SPATA17: variants seen among roughly 807,000 people sequenced by gnomAD.
SPATA17 encodes the protein spermatogenesis associated 17.
SPATA17 carries 53 observed loss-of-function variants against 62.2 expected under a neutral mutation model. The ratio of observed to expected loss-of-function variants is 0.85; its 90% CI spans 0.68 to 1.07. The LOEUF is 1.07. Ranked by LOEUF, SPATA17 falls within the 50% of genes least tolerant of loss-of-function variation. The pLI is 0.00. For missense variants in SPATA17, 466 were observed against 425.5 expected, an observed-to-expected ratio of 1.10 and a Z score of -0.84; for synonymous variants, 146 against 146.8, an observed-to-expected ratio of 0.99 and a Z score of 0.04.
At chr1:217,826,231 G>T (rs1674999624) in intron 9 of SPATA17, among the ~76,000 whole-genome samples, 1 of 152,058 alleles carries the variant, frequency 6.6e-6, no homozygotes, top group Non-Finnish European at 1.5e-5. Flanking sequence ...TACAAATGGA[G>T]ACAGAAATAT....
intron 6 of SPATA17, among the ~76,000 whole-genome samples, chr1:217,766,451 A>G (rs944733700): frequency 6.6e-6 from 1 of 152,008 alleles, no homozygotes; most frequent in Non-Finnish European, 1.5e-5. Flanking sequence ...CATAGGTAGT[A>G]CAAGTACCTT....
chr1:217,861,455 C>A (rs544477966), intron 9 of SPATA17, among the ~76,000 whole-genome samples: 1 of 150,136 alleles, frequency 6.7e-6, no homozygotes, highest in South Asian at 2.1e-4. Context: ...TATCAAGTTG[C>A]CAACAAAAAA....
chr1:217,857,595 G>A (rs894622539), intron 9 of SPATA17, among the ~76,000 whole-genome samples: 5 of 152,072 alleles, frequency 3.3e-5, no homozygotes, highest in Non-Finnish European at 5.9e-5. Flanking sequence ...GTGTGCAGGT[G>A]GTTTTCTTGA....
intron 2 of SPATA17, 27 bp from the exon 3 acceptor site, chr1:217,651,070 C>G (rs1200312023): frequency 2.0e-6 from 3 of 1,511,588 alleles, no homozygotes; most frequent in Admixed American, 3.6e-5. Context: ...TGAAAGGATA[C>G]TAATAAGCAT....
intron 9 of SPATA17, among the ~76,000 whole-genome samples, chr1:217,835,888 C>T (rs186034442): frequency 2.2e-4 from 33 of 152,214 alleles, no homozygotes; most frequent in Non-Finnish European, 1.6e-4. Context: ...TGTCTGACAA[C>T]CCATGGCTCC....
At chr1:217,677,464 G>T (rs773754496) in intron 4 of SPATA17, among the ~76,000 whole-genome samples, 24 of 151,916 alleles carry the variant, frequency 1.6e-4, no homozygotes, top group Admixed American at 2.6e-4. Flanking sequence ...TACATAGTTA[G>T]AGATAGATAG....
intron 5 of SPATA17, among the ~76,000 whole-genome samples, chr1:217,736,376 G>A (rs116655576): frequency 0.011 from 1,669 of 152,160 alleles, 37 homozygotes; most frequent in African/African-American, 0.037. Context: ...TATTTTTACA[G>A]TTTGCAGTCT....
At chr1:217,741,920 G>A (rs552250757) in intron 5 of SPATA17, 55 bp from the exon 6 acceptor site, 93 of 1,603,254 alleles carry the variant, frequency 5.8e-5, no homozygotes, top group Non-Finnish European at 7.7e-5. Flanking sequence ...ATCAGTGAAA[G>A]AATTAAAATG....
intron 8 of SPATA17, among the ~76,000 whole-genome samples, chr1:217,790,901 T>C (rs1005607298): frequency 3.9e-5 from 6 of 152,210 alleles, no homozygotes; most frequent in South Asian, 2.1e-4. Context: ...CTATTTATCA[T>C]TAAAGAATAG....
At chr1:217,766,806 G>T (rs376381832) in intron 6 of SPATA17, among the ~76,000 whole-genome samples, 1 of 150,898 alleles carries the variant, frequency 6.6e-6, no homozygotes, top group African/African-American at 2.4e-5. Flanking sequence ...TGGATACATT[G>T]TGGGTTGTTA....
intron 9 of SPATA17, among the ~76,000 whole-genome samples, chr1:217,804,843 A>C (rs1465962973): frequency 6.6e-6 from 1 of 152,196 alleles, no homozygotes; most frequent in African/African-American, 2.4e-5. Flanking sequence ...ATGAGCTATA[A>C]CTTCACACAT....
intron 6 of SPATA17, among the ~76,000 whole-genome samples, chr1:217,751,275 A>G (rs971618997): frequency 5.9e-5 from 9 of 152,242 alleles, no homozygotes; most frequent in African/African-American, 1.2e-4. Flanking sequence ...AGAATATTCT[A>G]TAAAAGCAGA....
intron 9 of SPATA17, among the ~76,000 whole-genome samples, chr1:217,858,008 T>C (rs1186478336): frequency 3.3e-5 from 5 of 152,208 alleles, no homozygotes; most frequent in Admixed American, 6.5e-5. Flanking sequence ...TAACTCAGAA[T>C]TAAGTGATGC....
chr1:217,845,625 C>T (rs1675505940), intron 9 of SPATA17, among the ~76,000 whole-genome samples: 3 of 151,922 alleles, frequency 2.0e-5, no homozygotes, highest in Non-Finnish European at 2.9e-5. Context: ...CCTGAACTTT[C>T]TTGAAGAGAT....
chr1:217,776,329 T>A (rs1270708827), intron 7 of SPATA17, among the ~76,000 whole-genome samples: 1 of 152,200 alleles, frequency 6.6e-6, no homozygotes, highest in Non-Finnish European at 1.5e-5. Context: ...TGTGTTAGAT[T>A]TGGCTCACAC....
chr1:217,862,748 G>A (rs1397013730), intron 9 of SPATA17, 26 bp from the exon 10 acceptor site: 8 of 1,482,714 alleles, frequency 5.4e-6, no homozygotes, highest in Non-Finnish European at 7.5e-6. Context: ...GATCTCTGTG[G>A]TAATCTTTGA....
intron 9 of SPATA17, among the ~76,000 whole-genome samples, chr1:217,839,996 T>C (rs1675354185): frequency 7.2e-6 from 1 of 139,454 alleles, no homozygotes; most frequent in African/African-American, 2.4e-5. Context: ...TGTTTAAAGG[T>C]TTAATCTTGT....
intron 5 of SPATA17, among the ~76,000 whole-genome samples, chr1:217,705,633 G>T (rs992406343): frequency 6.6e-6 from 1 of 151,750 alleles, no homozygotes; most frequent in Non-Finnish European, 1.5e-5. Flanking sequence ...GAGAGATGGG[G>T]TTTCACCATG....
rs1311624445 is a variant in SPATA17, at chr1:217,862,531, A to G, written c.1006-243A>G. Among the ~76,000 whole-genome samples, 4 of 152,188 alleles carry G rather than the reference A, an allele frequency of 2.6e-5. No homozygotes were observed. In the East Asian group the frequency reaches 7.7e-4, roughly 29 times the overall value. The stretch of plus-strand genomic sequence containing the variant: ...TATGCCTGAGGTTTGCATTGCCCAG[A>G]CTTGCTTGCAGGTGACACCCATAAC... On this transcript the variant is annotated intron_variant, in intron 9 of 10. Coordinates refer to ENST00000366933, the MANE Select transcript of SPATA17 (RefSeq NM_138796.4).
Sources: gnomAD v4.1 joint callset for allele counts (sites outside exome capture counted in the v4.1 genomes callset) on GRCh38, gnomAD v4.1.1 for gene constraint, MANE v1.5 for transcripts, NCBI Gene and HGNC (gene_info 2026-07-23, HGNC 2026-07-21) for gene names.